SOAT2: variants seen among roughly 807,000 people sequenced by gnomAD.
The protein encoded by SOAT2 is sterol O-acyltransferase 2.
In SOAT2, 87 loss-of-function variants were observed where a neutral mutation model predicts 76.0. The observed-to-expected ratio is 1.14, with a 90% confidence interval of 0.96 to 1.37. The LOEUF (loss-of-function observed/expected upper bound fraction) is 1.37. Ranked by LOEUF, SOAT2 falls within the 40% of genes most tolerant of loss-of-function variation. The pLI is 0.00. For synonymous variants in SOAT2, 285 were observed against 275.4 expected (o/e 1.03, Z -0.34); for missense variants, 686 against 682.1 (o/e 1.01, Z -0.06).
At chr12:53,118,825 T>A in intron 8 of SOAT2, 65 bp from the exon 9 acceptor site, 2 of 1,585,460 alleles carry the variant, frequency 1.3e-6, no homozygotes, top group Non-Finnish European at 1.7e-6. Context: ...CCAGAACCCG[T>A]GCCCAGGCTG....
intron 7 of SOAT2, 115 bp from the exon 8 acceptor site, chr12:53,118,235 A>ACCCCCCCC: frequency 1.6e-5 from 2 of 128,790 alleles, no homozygotes; most frequent in South Asian, 7.8e-5. Context: ...CTTATCCCCC[A>ACCCCCCCC]CCCCCACCCT....
intron 10 of SOAT2, among the ~76,000 whole-genome samples, chr12:53,119,866 G>A (rs1938163965): frequency 6.6e-6 from 1 of 152,104 alleles, no homozygotes; most frequent in Admixed American, 6.6e-5. Context: ...ACCATACTTA[G>A]CTCCCATTAC....
At chr12:53,106,765 C>T (rs902182172) in intron 5 of SOAT2, among the ~76,000 whole-genome samples, 2 of 152,250 alleles carry the variant, frequency 1.3e-5, no homozygotes, top group East Asian at 1.9e-4. Context: ...TGTAGGTGTG[C>T]ATTCATCTAA....
rs772877698 is a variant in SOAT2, at chr12:53,123,820, G to A, written c.1465G>A (p.Val489Ile). The A allele has an allele frequency of 1.9e-6, 3 of 1,614,134 alleles. No homozygotes were observed. The South Asian group carries it at 3.3e-5, about 18-fold the overall frequency. ...GCTGTTTCTAGGCCAGGGAATCCAG[G>A]TCAGCCTGTACTGCCAGGAGTGGTA... ...TMLFLGQGIQ[V>I]SLYCQEWYAR... The change falls in exon 14 of 15, where the codon GTC (valine) becomes ATC (isoleucine). Residue 489 changes from valine to isoleucine, a missense_variant. Val to Ile is a conservative substitution (Grantham distance 29). Coordinates refer to ENST00000301466, the MANE Select transcript of SOAT2 (RefSeq NM_003578.4).
rs867825497 is a variant in SOAT2 at position 53,123,210 on chromosome 12, AT to A, written c.1368del (p.Ile456MetfsTer5). ...YPVMLILFLV[I>X]GGMLNFMMHD... ...CGTCATGCTGATACTCTTCCTTGTC[AT>A]TGGAGGTGAGCTGGTCTCTGTGCCA... On this transcript the variant is annotated frameshift_variant, in exon 13 of 15. Transcript: ENST00000301466. LOFTEE classifies it high-confidence loss of function. The A allele has an allele frequency of 2.5e-6, 4 of 1,613,400 alleles. No homozygotes were observed. The highest frequency in any genetic ancestry group is 3.4e-6 in the Non-Finnish European group (4 of 1,179,812).
intron 9 of SOAT2, 81 bp from the exon 10 acceptor site, chr12:53,119,043 G>C: frequency 6.2e-7 from 1 of 1,610,276 alleles, no homozygotes; most frequent in Non-Finnish European, 8.5e-7. Flanking sequence ...GGGAAGAGAA[G>C]GCCAGTGCTG....
At chr12:53,119,062 G>T in intron 9 of SOAT2, 62 bp from the exon 10 acceptor site, 2 of 1,611,860 alleles carry the variant, frequency 1.2e-6, no homozygotes, top group African/African-American at 1.3e-5. Flanking sequence ...TGGGCCAGAG[G>T]TCAATGCCAC....
chr12:53,109,779 G>A (rs1039607809), intron 5 of SOAT2, among the ~76,000 whole-genome samples: 5 of 152,120 alleles, frequency 3.3e-5, no homozygotes, highest in South Asian at 2.1e-4. Context: ...GTGAGCCACT[G>A]CACCTGGCCT....
Position 53,105,148 on chromosome 12 carries a change from G to A in SOAT2, c.180G>A (p.Leu60=). Residue 60 remains leucine, a synonymous_variant, in exon 3 of 15, where the codon CTG becomes CTA. Transcript: ENST00000301466. The part of the protein sequence containing the change: ...AQLLEQAQGQ[L]RELLDRAMRE... ...TGCTGGAGCAAGCGCAGGGACAACTGAGGGAGCTGCTGGATCGGGCCATGC... is the reference window on the plus strand; with the variant it reads ...TGCTGGAGCAAGCGCAGGGACAACTAAGGGAGCTGCTGGATCGGGCCATGC... 1 of 1,573,870 alleles carries A rather than the reference G, an allele frequency of 6.4e-7. No homozygotes were observed. The highest frequency in any genetic ancestry group is 8.6e-7 in the Non-Finnish European group (1 of 1,159,560).
At chr12:53,116,224 C>A in intron 7 of SOAT2, 58 bp downstream of exon 7, 1 of 1,469,578 alleles carries the variant, frequency 6.8e-7, no homozygotes, top group Non-Finnish European at 9.5e-7. Flanking sequence ...CTGAATGAAG[C>A]CAGCAGGTGC....
At chr12:53,105,266 C>A (rs369727625) in intron 3 of SOAT2, 23 bp downstream of exon 3, 5 of 1,594,752 alleles carry the variant, frequency 3.1e-6, no homozygotes, top group Middle Eastern at 2.0e-4. Context: ...AATGGCTGCG[C>A]GGGCTCCTCT....
chr12:53,121,386 T>C lies in SOAT2; in HGVS notation c.1221T>C (p.Tyr407=). Residue 407 remains tyrosine, a synonymous_variant, in exon 12 of 15, where the codon TAT becomes TAC. Coordinates refer to ENST00000301466, the MANE Select transcript of SOAT2 (RefSeq NM_003578.4). ...VVHDWLYSYV[Y]QDGLRLLGAR... is the part of the protein sequence containing the mutation. Reference sequence around the variant, plus strand: ...ATGACTGGCTGTACAGCTACGTGTATCAGGATGGGCTGCGGGTATGGGCCC... The same window carrying C: ...ATGACTGGCTGTACAGCTACGTGTACCAGGATGGGCTGCGGGTATGGGCCC... 1.2e-6 allele frequency: 2 copies of C among 1,614,090 alleles called. No individual in the cohort carries two copies. The highest frequency in any genetic ancestry group is 2.2e-5 in the South Asian group (2 of 91,086).
At chr12:53,114,049 G>A (rs1005586624) in intron 5 of SOAT2, among the ~76,000 whole-genome samples, 1 of 152,206 alleles carries the variant, frequency 6.6e-6, no homozygotes, top group Admixed American at 6.5e-5. Context: ...TTACATTCTG[G>A]CCTTTGTATA....
chr12:53,117,262 A>ATTTT lies in SOAT2; in HGVS notation c.779-1066_779-1063dup, dbSNP rs34151150. On this transcript the variant is annotated intron_variant, in intron 7 of 14. Coordinates refer to ENST00000301466, the MANE Select transcript of SOAT2 (RefSeq NM_003578.4). ...AGGCATGAGCCACCGCGCCCGGCCA[A>ATTTT]TTTTTTTTTTTTTTTTTTTTTTTTT... 3.8e-3 allele frequency among the ~76,000 whole-genome samples: 412 copies of ATTTT among 109,010 alleles called. 15 individuals are homozygous for ATTTT. The highest frequency in any genetic ancestry group is 8.3e-3 in the African/African-American group (210 of 25,198). 71.5% of individuals were successfully genotyped at this position (109,010 alleles called of 152,430 possible). A position where few individuals can be genotyped will look rare whatever the true frequency, so the allele number is the denominator to read the frequency against.
At chr12:53,123,491 G>A (rs560069936) in intron 13 of SOAT2, among the ~76,000 whole-genome samples, 1 of 152,296 alleles carries the variant, frequency 6.6e-6, no homozygotes, top group South Asian at 2.1e-4. Flanking sequence ...CAAAGAGGAG[G>A]AAACTGGGAT....
intron 5 of SOAT2, among the ~76,000 whole-genome samples, chr12:53,109,568 GA>G: frequency 6.6e-6 from 1 of 152,100 alleles, no homozygotes; most frequent in East Asian, 1.9e-4. Flanking sequence ...TGCAATCTCT[GA>G]ATCCTGGATT....
intron 5 of SOAT2, among the ~76,000 whole-genome samples, chr12:53,112,545 C>CAAAA (rs71095977): frequency 0.01 from 604 of 58,194 alleles, 32 homozygotes; most frequent in African/African-American, 0.034. Context: ...AACTCTGTCT[C>CAAAA]AAAAAAAAAA....
Position 53,115,552 on chromosome 12 carries a change from G to A in SOAT2, c.606G>A (p.Ala202=), listed in dbSNP as rs764877818. The A allele has an allele frequency of 5.0e-6, 8 of 1,594,828 alleles. No homozygotes were observed. Among genetic ancestry groups the A allele is most frequent in the Middle Eastern group, 1.9e-4 (1 of 5,132 alleles). The part of the protein sequence containing the change: ...TWTQATGLGC[A]LLAAHAVVLC... ...CGCAGGCGACGGGCCTGGGCTGTGC[G>A]CTGCTAGCCGCCCACGCCGTGGTGC... The change falls in exon 6 of 15, where the codon GCG becomes GCA. Residue 202 remains alanine, a synonymous_variant. Transcript: ENST00000301466.
At position 53,103,711 on chromosome 12, in the gene SOAT2, G is replaced by A. The variant is rs372329857; in HGVS notation, c.82+52G>A. 2,529 of 1,359,912 alleles carry A rather than the reference G, an allele frequency of 1.9e-3. 6 individuals are homozygous for A. Among genetic ancestry groups the A allele is most frequent in the Non-Finnish European group, 2.3e-3 (2,344 of 1,012,100 alleles). The allele number at this position is 1,359,912 out of a possible 1,614,324, so 84.2% of individuals were successfully genotyped here. A position where few individuals can be genotyped will look rare whatever the true frequency, so the allele number is the denominator to read the frequency against. On this transcript the variant is annotated intron_variant, in intron 1 of 14. Transcript: ENST00000301466. The stretch of plus-strand genomic sequence containing the variant: ...GCACAGGCAAGTGGGGGGGAGGCGG[G>A]GAGAGATGCGCTATGGAGAGAAGGC...
Sources: allele counts gnomAD v4.1 joint callset (sites outside exome capture counted in the v4.1 genomes callset), GRCh38; gene constraint gnomAD v4.1.1; transcripts MANE v1.5; gene names NCBI Gene and HGNC (gene_info 2026-07-23, HGNC 2026-07-21).